The following ACOT4 variants were observed in gnomAD, a reference collection of about 807,000 sequenced individuals.
The protein encoded by ACOT4 is acyl-CoA thioesterase 4.
A neutral mutation model predicts 17.1 loss-of-function variants in ACOT4; 18 were observed. The ratio of observed to expected loss-of-function variants is 1.05; its 90% CI spans 0.73 to 1.56. The LOEUF is 1.56. Ranked by LOEUF, ACOT4 falls within the 40% of genes most tolerant of loss-of-function variation. ACOT4 has a pLI of 0.00. For synonymous variants in ACOT4, 234 were observed against 236.6 expected (o/e 0.99, Z 0.10); for missense variants, 574 against 557.2 (o/e 1.03, Z -0.30).
chr14:73,593,344 T>TC (rs1431668372), intron 1 of ACOT4, among the ~76,000 whole-genome samples: 1 of 142,746 alleles, frequency 7.0e-6, no homozygotes, highest in Non-Finnish European at 1.5e-5. Flanking sequence ...TTCTTTTTTT[T>TC]TTTTTTTTTT....
chr14:73,592,155 C>A lies in ACOT4; in HGVS notation c.196C>A (p.Pro66Thr). 2 of 1,597,604 alleles carry A rather than the reference C, an allele frequency of 1.3e-6. No homozygotes were observed. Among genetic ancestry groups the A allele is most frequent in the Non-Finnish European group, 1.7e-6 (2 of 1,173,220 alleles). Reference protein sequence around the residue: ...ARGELDLERAPALGGSFAGLE... With the variant: ...ARGELDLERATALGGSFAGLE... ...CGGCGAGCTGGACCTGGAGCGCGCA[C>A]CCGCGCTGGGCGGCAGCTTCGCGGG... Residue 66 changes from proline (P) to threonine (T), a missense_variant, in exon 1 of 3, where the codon CCC becomes ACC. By Grantham distance (38) the Pro-to-Thr change is conservative (BLOSUM62 -1). Coordinates refer to ENST00000326303, the MANE Select transcript of ACOT4 (RefSeq NM_152331.4).
At chr14:73,592,499 G>C in intron 1 of ACOT4, 83 bp downstream of exon 1, 3 of 1,394,346 alleles carry the variant, frequency 2.2e-6, no homozygotes, top group Non-Finnish European at 2.8e-6. Flanking sequence ...GCACTGGTTT[G>C]GTTTTGGAGC....
At chr14:73,594,673 GTTAT>G (rs5809619) in intron 2 of ACOT4, among the ~76,000 whole-genome samples, 3,480 of 147,196 alleles carry the variant, frequency 0.024, 104 homozygotes, top group African/African-American at 0.07. Flanking sequence ...CATTGGATAA[GTTAT>G]TTATTTATTT....
rs1237484668 is a variant in ACOT4 at position 73,593,843 on chromosome 14, T to C, written c.599T>C (p.Met200Thr). 2 of 1,614,110 alleles carry C rather than the reference T, an allele frequency of 1.2e-6. No homozygotes were observed. The highest frequency in any genetic ancestry group is 1.7e-5 in the Admixed American group (1 of 59,998). ...YYNFEDLPNN[M>T]DNISLEYFEE... Reference sequence around the variant, plus strand: ...AACTTTGAAGATCTCCCCAATAACATGGACAACATATCCCTGGAGTACTTC... The same window carrying C: ...AACTTTGAAGATCTCCCCAATAACACGGACAACATATCCCTGGAGTACTTC... Residue 200 changes from methionine to threonine, a missense_variant, in exon 2 of 3, where the codon ATG becomes ACG. By Grantham distance (81) the Met-to-Thr change is moderately conservative. Transcript: ENST00000326303.
Position 73,592,216 on chromosome 14 carries a change from C to T in ACOT4, c.257C>T (p.Pro86Leu). The change falls in exon 1 of 3, where the codon CCC (proline) becomes CTC (leucine). Residue 86 changes from proline to leucine, a missense_variant. Transcript: ENST00000326303. Reference sequence around the variant, plus strand: ...ATGGGGCTGCTCTGGGCCCTGGAACCCGAGAAGCCTTTTTGGCGCTTCCTG... The same window carrying T: ...ATGGGGCTGCTCTGGGCCCTGGAACTCGAGAAGCCTTTTTGGCGCTTCCTG... ...EPMGLLWALE[P>L]EKPFWRFLKR... 3 of 1,612,890 alleles carry T rather than the reference C, an allele frequency of 1.9e-6. No homozygotes were observed. Among genetic ancestry groups the T allele is most frequent in the African/African-American group, 1.3e-5 (1 of 75,010 alleles).
chr14:73,594,673 GTTATTTAT>G (rs5809619), intron 2 of ACOT4, among the ~76,000 whole-genome samples: 1,862 of 147,226 alleles, frequency 0.013, 28 homozygotes, highest in East Asian at 0.045. Flanking sequence ...CATTGGATAA[GTTATTTAT>G]TTATTTATTT....
Position 73,594,867 on chromosome 14 carries a change from A to AT in ACOT4, c.661-173dup, listed in dbSNP as rs1224768605. Among the ~76,000 whole-genome samples, 18 of 151,056 alleles carry AT rather than the reference A, an allele frequency of 1.2e-4. 1 individual carries two copies. In the East Asian group the frequency reaches 2.3e-3, roughly 20 times the overall value. The stretch of plus-strand genomic sequence containing the variant: ...AGGCGTGCGCCACCACACTCGGCTA[A>AT]TTTTTTTTTGTATTTTTAATAGAGA... On this transcript the variant is annotated intron_variant, in intron 2 of 2. Transcript: ENST00000326303.
Position 73,595,764 on chromosome 14 carries a change from T to C in ACOT4, c.*110T>C. 7.7e-7 allele frequency: 1 copy of C among 1,293,686 alleles called. No individual in the cohort carries two copies. Among genetic ancestry groups the C allele is most frequent in the Middle Eastern group, 2.9e-4 (1 of 3,442 alleles). The allele number at this position is 1,293,686 out of a possible 1,614,324, so 80.1% of individuals were successfully genotyped here. On this transcript the variant is annotated 3_prime_UTR_variant, in exon 3 of 3. Transcript: ENST00000326303. Reference sequence around the variant, plus strand: ...AACATTAAAGCCATGTCTTTGTCATTAATGGTGTATTTTACGTAACTTTGT... The same window carrying C: ...AACATTAAAGCCATGTCTTTGTCATCAATGGTGTATTTTACGTAACTTTGT...
At position 73,593,849 on chromosome 14, in the gene ACOT4, A is replaced by G. The variant is rs1255157445; in HGVS notation, c.605A>G (p.Asn202Ser). Residue 202 changes from asparagine to serine, a missense_variant, in exon 2 of 3, where the codon AAC (asparagine) becomes AGC (serine). Coordinates refer to ENST00000326303, the MANE Select transcript of ACOT4 (RefSeq NM_152331.4). ...NFEDLPNNMD[N>S]ISLEYFEEAV... ...GAAGATCTCCCCAATAACATGGACA[A>G]CATATCCCTGGAGTACTTCGAAGAA... 3.1e-6 allele frequency: 5 copies of G among 1,613,924 alleles called. No homozygotes were observed. Among genetic ancestry groups the G allele is most frequent in the Non-Finnish European group, 4.2e-6 (5 of 1,179,956 alleles).
In ACOT4 at chr14:73,595,113, C is replaced by T. The variant is rs766566347; in HGVS notation, c.725C>T (p.Ala242Val). 7 of 1,614,122 alleles carry T rather than the reference C, an allele frequency of 4.3e-6. No homozygotes were observed. The Admixed American group carries it at 1.0e-4, about 23-fold the overall frequency. The change falls in exon 3 of 3, where the codon GCC becomes GTC. Residue 242 changes from alanine to valine, a missense_variant. Coordinates refer to ENST00000326303, the MANE Select transcript of ACOT4 (RefSeq NM_152331.4). ...SLGADICLSMASFLKNVSATV... is the reference protein window; with the variant it reads ...SLGADICLSMVSFLKNVSATV... ...GGAGCTGATATTTGTCTCTCAATGGCCTCATTCTTGAAGAATGTCTCAGCC... is the reference window on the plus strand; with the variant it reads ...GGAGCTGATATTTGTCTCTCAATGGTCTCATTCTTGAAGAATGTCTCAGCC...
chr14:73,594,173 T>C (rs560034122), intron 2 of ACOT4, among the ~76,000 whole-genome samples: 1 of 152,374 alleles, frequency 6.6e-6, no homozygotes, highest in Non-Finnish European at 1.5e-5. Flanking sequence ...TGTCTTTGCA[T>C]GCTTGTTTTT....
At position 73,592,061 on chromosome 14, in the gene ACOT4, G is replaced by T. The variant is rs2140348849; in HGVS notation, c.102G>T (p.Leu34=). The T allele has an allele frequency of 6.8e-7, 1 of 1,479,634 alleles. No homozygotes were observed. 91.7% of individuals were successfully genotyped at this position (1,479,634 alleles called of 1,614,324 possible). Residue 34 remains leucine, a synonymous_variant, in exon 1 of 3, where the codon CTG becomes CTT. Transcript: ENST00000326303. ...TGGCCCCGGAGCAGCGGGTTACGCT[G>T]CGCGCGTCCCTGCGCGACGAGAAGG... ...RGLAPEQRVT[L]RASLRDEKGA...
At position 73,591,951 on chromosome 14, in the gene ACOT4, G is replaced by A; in HGVS notation, c.-9G>A. 7.3e-7 allele frequency: 1 copy of A among 1,362,622 alleles called. No individual in the cohort carries two copies. The allele number at this position is 1,362,622 out of a possible 1,614,324, so 84.4% of individuals were successfully genotyped here. A position where few individuals can be genotyped will look rare whatever the true frequency, so the allele number is the denominator to read the frequency against. Reference sequence around the variant, plus strand: ...CCTCGACCTTTGAATTCCCCGCTCCGGCTCCAAGATGTCAGCAACGCTGAT... The same window carrying A: ...CCTCGACCTTTGAATTCCCCGCTCCAGCTCCAAGATGTCAGCAACGCTGAT... On this transcript the variant is annotated 5_prime_UTR_variant, in exon 1 of 3. Transcript: ENST00000326303.
rs79551870 is a variant in ACOT4, at chr14:73,592,085, G to A, written c.126G>A (p.Lys42=). Residue 42 remains lysine (K), a synonymous_variant, in exon 1 of 3, where the codon AAG becomes AAA. Transcript: ENST00000326303. ...VTLRASLRDE[K]GALFRAHARY... is the part of the protein sequence containing the mutation. Reference sequence around the variant, plus strand: ...TGCGCGCGTCCCTGCGCGACGAGAAGGGCGCGCTCTTCCGGGCCCACGCGC... The same window carrying A: ...TGCGCGCGTCCCTGCGCGACGAGAAAGGCGCGCTCTTCCGGGCCCACGCGC... 312 of 1,489,356 alleles carry A rather than the reference G, an allele frequency of 2.1e-4. 2 individuals carry two copies. In the East Asian group the frequency reaches 6.7e-3, roughly 32 times the overall value. The allele number at this position is 1,489,356 out of a possible 1,614,324, so 92.3% of individuals were successfully genotyped here. A position where few individuals can be genotyped will look rare whatever the true frequency, so the allele number is the denominator to read the frequency against.
chr14:73,592,788 G>A (rs1890177116), intron 1 of ACOT4, among the ~76,000 whole-genome samples: 1 of 152,170 alleles, frequency 6.6e-6, no homozygotes, highest in Admixed American at 6.5e-5. Context: ...GGGAGATGGA[G>A]GTTGCAGTGA....
chr14:73,595,660 TTGTC>T lies in ACOT4; in HGVS notation c.*10_*13del, dbSNP rs1173839152. 23 of 1,514,320 alleles carry T rather than the reference TTGTC, an allele frequency of 1.5e-5. No individual in the cohort carries two copies. The highest frequency in any genetic ancestry group is 8.9e-5 in the Admixed American group (4 of 44,920). The allele number at this position is 1,514,320 out of a possible 1,614,324, so 93.8% of individuals were successfully genotyped here. A position where few individuals can be genotyped will look rare whatever the true frequency, so the allele number is the denominator to read the frequency against. On this transcript the variant is annotated 3_prime_UTR_variant, in exon 3 of 3. Transcript: ENST00000326303. ...CAGCTGTCCCTAAATTGTAATGCAT[TTGTC>T]TGTTGTTGACATGAGAGATTCAAGA...
chr14:73,594,078 T>C (rs1187395680), intron 2 of ACOT4, among the ~76,000 whole-genome samples, 174 bp downstream of exon 2: 3 of 152,230 alleles, frequency 2.0e-5, no homozygotes, highest in Non-Finnish European at 2.9e-5. Flanking sequence ...ATTTGTGATA[T>C]AGAATTAATT....
Position 73,592,260 on chromosome 14 carries a change from C to T in ACOT4, c.301C>T (p.Pro101Ser). The change falls in exon 1 of 3, where the codon CCT becomes TCT. Residue 101 changes from proline (P) to serine (S), a missense_variant. Coordinates refer to ENST00000326303, the MANE Select transcript of ACOT4 (RefSeq NM_152331.4). ...CTTCCTGAAGCGGGACGTACAGATT[C>T]CTTTTGTCGTGGAGTTGGAGGTGCT... Reference protein sequence around the residue: ...WRFLKRDVQIPFVVELEVLDG... With the variant: ...WRFLKRDVQISFVVELEVLDG... The T allele has an allele frequency of 1.2e-6, 2 of 1,613,266 alleles. No individual in the cohort carries two copies. The highest frequency in any genetic ancestry group is 8.5e-7 in the Non-Finnish European group (1 of 1,179,534).
chr14:73,592,713 C>T (rs1890176004), intron 1 of ACOT4, among the ~76,000 whole-genome samples: 1 of 152,094 alleles, frequency 6.6e-6, no homozygotes, highest in African/African-American at 2.4e-5. Flanking sequence ...ATTAGTCCAG[C>T]CTGGTGGCAC....
Sources: allele counts gnomAD v4.1 joint callset (sites outside exome capture counted in the v4.1 genomes callset), GRCh38; gene constraint gnomAD v4.1.1; transcripts MANE v1.5; gene names NCBI Gene and HGNC (gene_info 2026-07-23, HGNC 2026-07-21).